The following ATF7IP variants were observed in gnomAD, a reference collection of about 807,000 sequenced individuals.
ATF7IP encodes the protein activating transcription factor 7 interacting protein, also known as activating transcription factor 7-interacting protein 1.
In ATF7IP, 23 loss-of-function variants were observed where a neutral mutation model predicts 106.4. That is an observed-to-expected ratio of 0.22 (90% CI 0.16 to 0.31). The LOEUF is 0.31. ATF7IP is among the 10% of genes least tolerant of loss of function. ATF7IP has a pLI of 1.00. For missense variants in ATF7IP, 1,334 were observed against 1,524.3 expected (o/e 0.88, Z 2.08); for synonymous variants, 542 against 539.0 (o/e 1.01, Z -0.08).
chr12:14,380,499 A>G (rs1157659759), intron 1 of ATF7IP, among the ~76,000 whole-genome samples: 1 of 152,202 alleles, frequency 6.6e-6, no homozygotes, highest in East Asian at 1.9e-4. Context: ...ATAGTCTTCC[A>G]TTTTTATCAA....
At chr12:14,382,043 T>G (rs1385158228) in intron 1 of ATF7IP, among the ~76,000 whole-genome samples, 1 of 152,052 alleles carries the variant, frequency 6.6e-6, no homozygotes, top group Non-Finnish European at 1.5e-5. Flanking sequence ...TACAGAAAAT[T>G]TTAAAAATTA....
Position 14,486,887 on chromosome 12 carries a change from C to G in ATF7IP, c.3280+5702C>G, listed in dbSNP as rs142165091. ...GCAATTAGAGGGCTCTTCAAAGATA[C>G]AAGTGCTGCCCTCACAAATCTGTTT... On this transcript the variant is annotated intron_variant, in intron 13 of 14. Coordinates refer to ENST00000261168, the MANE Select transcript of ATF7IP (RefSeq NM_018179.5). 9.6e-4 allele frequency among the ~76,000 whole-genome samples: 146 copies of G among 152,252 alleles called. 2 individuals are homozygous for G. In the East Asian group the frequency reaches 0.024, roughly 25 times the overall value.
rs913566254 is a variant in ATF7IP at position 14,501,563 on chromosome 12, A to G, written c.*3490A>G. 3 of 152,164 alleles carry G rather than the reference A, an allele frequency of 2.0e-5. No homozygotes were observed. Among genetic ancestry groups the G allele is most frequent in the African/African-American group, 7.2e-5 (3 of 41,444 alleles). The allele number at this position is 152,164 out of a possible 1,614,324, so 9.4% of individuals were successfully genotyped here. A position where few individuals can be genotyped will look rare whatever the true frequency, so the allele number is the denominator to read the frequency against. On this transcript the variant is annotated 3_prime_UTR_variant, in exon 15 of 15. Transcript: ENST00000261168. ...CTTCTATTTCTCTGGACTCATTTTT[A>G]AAAAATATGCCGAATACTGCATACT... is the stretch of plus-strand genomic sequence containing the variant.
At chr12:14,454,053 T>C (rs537375709) in intron 6 of ATF7IP, among the ~76,000 whole-genome samples, 2 of 152,206 alleles carry the variant, frequency 1.3e-5, no homozygotes, top group African/African-American at 4.8e-5. Flanking sequence ...TTTATTTGTA[T>C]GCTTGTTGAA....
At position 14,466,552 on chromosome 12, in the gene ATF7IP, G is replaced by A. The variant is rs996002268; in HGVS notation, c.2824G>A (p.Ala942Thr). The change falls in exon 10 of 15, where the codon GCT becomes ACT. Residue 942 changes from alanine (A) to threonine (T), a missense_variant. Transcript: ENST00000261168. ...IENQTNKTID[A>T]SVSKKAADST... ...AAACCAGACAAACAAAACAATAGATGCTTCTGTCAGTAAGAAAGCAGCTGA... is the reference window on the plus strand; with the variant it reads ...AAACCAGACAAACAAAACAATAGATACTTCTGTCAGTAAGAAAGCAGCTGA... The A allele has an allele frequency of 8.7e-6, 14 of 1,603,288 alleles. No homozygotes were observed. Among genetic ancestry groups the A allele is most frequent in the Non-Finnish European group, 1.0e-5 (12 of 1,176,650 alleles).
At chr12:14,383,732 T>G (rs11055960) in intron 1 of ATF7IP, among the ~76,000 whole-genome samples, 62,166 of 151,862 alleles carry the variant, frequency 0.41, 13,383 homozygotes, top group East Asian at 0.6. Flanking sequence ...TTTAAAAATT[T>G]TTTTTGTAGA....
chr12:14,367,507 A>G (rs1476246857), intron 1 of ATF7IP: 1 of 152,082 alleles, frequency 6.6e-6, no homozygotes, highest in Non-Finnish European at 1.5e-5. Flanking sequence ...GCCCCTTTCT[A>G]CCACATGCTA....
intron 1 of ATF7IP, among the ~76,000 whole-genome samples, chr12:14,367,856 C>T (rs1435767788): frequency 6.6e-6 from 1 of 151,946 alleles, no homozygotes; most frequent in Non-Finnish European, 1.5e-5. Flanking sequence ...AGTACTTTGT[C>T]AATAACAAGT....
In ATF7IP at chr12:14,499,578, C is replaced by T. The variant is rs1317330178; in HGVS notation, c.*1505C>T. Reference sequence around the variant, plus strand: ...TTTCCTCTTTATTCTCTTTATCGTCCTTCCCATTTTAACCTTTTAACTTTG... The same window carrying T: ...TTTCCTCTTTATTCTCTTTATCGTCTTTCCCATTTTAACCTTTTAACTTTG... On this transcript the variant is annotated 3_prime_UTR_variant, in exon 15 of 15. Transcript: ENST00000261168. 1 of 152,198 alleles carries T rather than the reference C, an allele frequency of 6.6e-6. No homozygotes were observed. Among genetic ancestry groups the T allele is most frequent in the East Asian group, 1.9e-4 (1 of 5,198 alleles). 9.4% of individuals were successfully genotyped at this position (152,198 alleles called of 1,614,324 possible). A position where few individuals can be genotyped will look rare whatever the true frequency, so the allele number is the denominator to read the frequency against.
intron 1 of ATF7IP, among the ~76,000 whole-genome samples, chr12:14,396,691 T>G (rs1258818361): frequency 6.6e-6 from 1 of 152,224 alleles, no homozygotes; most frequent in Admixed American, 6.5e-5. Flanking sequence ...AATGCTGGGC[T>G]GGGAAGATAG....
At chr12:14,389,505 A>G (rs1418072826) in intron 1 of ATF7IP, among the ~76,000 whole-genome samples, 1 of 152,358 alleles carries the variant, frequency 6.6e-6, no homozygotes, top group East Asian at 1.9e-4. Flanking sequence ...TTCAGTACAA[A>G]TAAGAATCAT....
intron 1 of ATF7IP, among the ~76,000 whole-genome samples, chr12:14,399,596 A>AT (rs979451192): frequency 2.7e-5 from 4 of 147,764 alleles, no homozygotes; most frequent in African/African-American, 7.5e-5. Flanking sequence ...TAATTTTCTT[A>AT]TTTTTTCCCT....
intron 9 of ATF7IP, among the ~76,000 whole-genome samples, chr12:14,462,259 A>G (rs1489296477): frequency 6.6e-6 from 1 of 152,048 alleles, no homozygotes; most frequent in Non-Finnish European, 1.5e-5. Flanking sequence ...CTGCTACCAC[A>G]TTATTTTTTG....
chr12:14,434,491 C>A, intron 3 of ATF7IP, 68 bp downstream of exon 3: 2 of 1,006,454 alleles, frequency 2.0e-6, no homozygotes, highest in Non-Finnish European at 3.0e-6. Flanking sequence ...TATTTACAAC[C>A]GTGTAATATT....
At chr12:14,455,804 C>T (rs1394692818) in intron 6 of ATF7IP, among the ~76,000 whole-genome samples, 1 of 151,968 alleles carries the variant, frequency 6.6e-6, no homozygotes, top group African/African-American at 2.4e-5. Flanking sequence ...CCAGGCTGGT[C>T]TGTAACTCCT....
chr12:14,481,421 A>G lies in ATF7IP; in HGVS notation c.3280+236A>G, dbSNP rs534121208. On this transcript the variant is annotated intron_variant, in intron 13 of 14. Coordinates refer to ENST00000261168, the MANE Select transcript of ATF7IP (RefSeq NM_018179.5). ...AGCAGATTTTAAGTATTGTCACCACACACAAAAAAGGTAAGTATGTGAGAT... is the reference window on the plus strand; with the variant it reads ...AGCAGATTTTAAGTATTGTCACCACGCACAAAAAAGGTAAGTATGTGAGAT... 1,040 of 559,422 alleles carry G rather than the reference A, an allele frequency of 1.9e-3. 6 individuals carry two copies. The highest frequency in any genetic ancestry group is 5.6e-3 in the South Asian group (263 of 46,696). 34.7% of individuals were successfully genotyped at this position (559,422 alleles called of 1,614,324 possible).
chr12:14,450,574 T>G (rs1378549337), intron 6 of ATF7IP, among the ~76,000 whole-genome samples: 1 of 151,990 alleles, frequency 6.6e-6, no homozygotes, highest in African/African-American at 2.4e-5. Context: ...AATATTTTCT[T>G]GAGGATTTTT....
chr12:14,491,675 A>G (rs1944830593), intron 13 of ATF7IP, among the ~76,000 whole-genome samples: 1 of 152,240 alleles, frequency 6.6e-6, no homozygotes, highest in African/African-American at 2.4e-5. Flanking sequence ...GTCTTTGCCC[A>G]CTGAAGGCAA....
chr12:14,447,809 A>G (rs972790132), intron 6 of ATF7IP, among the ~76,000 whole-genome samples: 1 of 152,122 alleles, frequency 6.6e-6, no homozygotes, highest in Non-Finnish European at 1.5e-5. Context: ...TAATTGTAAT[A>G]TACAGAGATT....
Sources: allele counts gnomAD v4.1 joint callset (sites outside exome capture counted in the v4.1 genomes callset), GRCh38; gene constraint gnomAD v4.1.1; transcripts MANE v1.5; gene names NCBI Gene and HGNC (gene_info 2026-07-23, HGNC 2026-07-21).